The following PCDHGA3 variants were observed in gnomAD, a reference collection of about 807,000 sequenced individuals.
PCDHGA3 encodes the protein protocadherin gamma-A3.
A neutral mutation model predicts 58.5 loss-of-function variants in PCDHGA3; 40 were observed. The ratio of observed to expected loss-of-function variants is 0.68; its 90% CI spans 0.53 to 0.89. The LOEUF is 0.89. Among genes scored for constraint, PCDHGA3 ranks in the 40% least tolerant of loss-of-function variants. PCDHGA3 has a pLI of 0.00. For synonymous variants in PCDHGA3, 530 were observed against 525.7 expected (o/e 1.01, Z -0.11); for missense variants, 1,223 against 1,195.9 (o/e 1.02, Z -0.33).
rs200464357 is a variant in PCDHGA3 at position 141,489,983 on chromosome 5, G to A, written c.2425-4824G>A. 4.5e-5 allele frequency: 73 copies of A among 1,614,172 alleles called. No homozygotes were observed. Among genetic ancestry groups the A allele is most frequent in the Middle Eastern group, 3.3e-4 (2 of 6,062 alleles). ...CCAACCTTCCAATCCTCAGTTCTAC[G>A]TGTGGGAATCCCAGAGAATGCACCC... On this transcript the variant is annotated intron_variant, in intron 1 of 3. Coordinates refer to ENST00000253812, the MANE Select transcript of PCDHGA3 (RefSeq NM_018916.4). This position sits in a 1 kb window ranked among gnomAD's most constrained non-coding sequence, Gnocchi z 4.5.
intron 1 of PCDHGA3, chr5:141,376,510 G>A: frequency 6.2e-7 from 1 of 1,614,028 alleles, no homozygotes; most frequent in Non-Finnish European, 8.5e-7. Flanking sequence ...AACTTCAGGT[G>A]AGTTTCTTTC....
In PCDHGA3 at chr5:141,461,525, A is replaced by T. The variant is rs966592635; in HGVS notation, c.2425-33282A>T. ...TTGGTGATTTGTTAGTTCCTTGTAGATTCTGGATACTAGTCCTTTGTCAGA... is the reference window on the plus strand; with the variant it reads ...TTGGTGATTTGTTAGTTCCTTGTAGTTTCTGGATACTAGTCCTTTGTCAGA... On this transcript the variant is annotated intron_variant, in intron 1 of 3. Coordinates refer to ENST00000253812, the MANE Select transcript of PCDHGA3 (RefSeq NM_018916.4). 5.3e-5 allele frequency among the ~76,000 whole-genome samples: 8 copies of T among 152,106 alleles called. No individual in the cohort carries two copies. The South Asian group carries it at 1.7e-3, about 31-fold the overall frequency.
intron 1 of PCDHGA3, chr5:141,403,279 G>C (rs779882720): frequency 6.2e-7 from 1 of 1,613,900 alleles, no homozygotes. Flanking sequence ...TTAAAGTCCT[G>C]GTTGAAGACA....
Position 141,489,120 on chromosome 5 carries a change from G to T in PCDHGA3, c.2425-5687G>T. On this transcript the variant is annotated intron_variant, in intron 1 of 3. Coordinates refer to ENST00000253812, the MANE Select transcript of PCDHGA3 (RefSeq NM_018916.4). The surrounding 1 kb of genome is among the most constrained non-coding windows in gnomAD (Gnocchi z 4.5). Reference sequence around the variant, plus strand: ...AACTGCTGCAAGCAGGCAAACCTCCGAGCAGTTTTTAAGAGGCTGGAAGGA... The same window carrying T: ...AACTGCTGCAAGCAGGCAAACCTCCTAGCAGTTTTTAAGAGGCTGGAAGGA... 2.2e-6 allele frequency: 1 copy of T among 445,672 alleles called. No individual in the cohort carries two copies. The highest frequency in any genetic ancestry group is 3.8e-6 in the Non-Finnish European group (1 of 264,754). The allele number at this position is 445,672 out of a possible 1,614,324, so 27.6% of individuals were successfully genotyped here.
intron 1 of PCDHGA3, chr5:141,356,007 A>T: frequency 6.2e-7 from 1 of 1,613,952 alleles, no homozygotes; most frequent in Non-Finnish European, 8.5e-7. Context: ...CCACTGATCC[A>T]GATGAAGGAG....
In PCDHGA3 at chr5:141,490,745, C is replaced by T. The variant is rs769031787; in HGVS notation, c.2425-4062C>T. 22 of 1,614,120 alleles carry T rather than the reference C, an allele frequency of 1.4e-5. No individual in the cohort carries two copies. Among genetic ancestry groups the T allele is most frequent in the Non-Finnish European group, 1.9e-5 (22 of 1,180,050 alleles). On this transcript the variant is annotated intron_variant, in intron 1 of 3. Transcript: ENST00000253812. The surrounding 1 kb of genome is among the most constrained non-coding windows in gnomAD (Gnocchi z 5.4). Reference sequence around the variant, plus strand: ...GTAGGAAATCAGGTTCAGGGAGCCCCAGCCTCCTCCTTTGTGTATGTCAAC... The same window carrying T: ...GTAGGAAATCAGGTTCAGGGAGCCCTAGCCTCCTCCTTTGTGTATGTCAAC...
intron 1 of PCDHGA3, chr5:141,355,322 A>G: frequency 1.9e-6 from 3 of 1,614,000 alleles, no homozygotes; most frequent in Non-Finnish European, 1.7e-6. Flanking sequence ...GAGCAGGAAG[A>G]AGGCTCAGTG....
chr5:141,440,330 G>A (rs1377511406), intron 1 of PCDHGA3: 1 of 152,162 alleles, frequency 6.6e-6, no homozygotes, highest in Non-Finnish European at 1.5e-5. Context: ...ACTGGGCATG[G>A]TGGTGCAGGC....
intron 1 of PCDHGA3, chr5:141,386,063 G>A (rs2090447648): frequency 6.6e-6 from 1 of 152,220 alleles, no homozygotes; most frequent in South Asian, 2.1e-4. Flanking sequence ...GAGAATTCCA[G>A]TATGTTGTTT....
rs767003818 is a variant in PCDHGA3, at chr5:141,361,414, G to A, written c.2424+14957G>A. ...CAATCTCACCATCACAGCCACCGAC[G>A]GGGGCAAGCCGCCCCTCTCCTCCAG... is the stretch of plus-strand genomic sequence containing the variant. On this transcript the variant is annotated intron_variant, in intron 1 of 3. Coordinates refer to ENST00000253812, the MANE Select transcript of PCDHGA3 (RefSeq NM_018916.4). The A allele has an allele frequency of 2.4e-5, 38 of 1,613,876 alleles. No individual in the cohort carries two copies. Among genetic ancestry groups the A allele is most frequent in the Admixed American group, 1.0e-4 (6 of 60,004 alleles).
chr5:141,354,043 A>G (rs1759453619), intron 1 of PCDHGA3, among the ~76,000 whole-genome samples: 1 of 152,250 alleles, frequency 6.6e-6, no homozygotes, highest in South Asian at 2.1e-4. Context: ...GCGATGGCAC[A>G]TGCAATGATA....
chr5:141,429,573 T>G (rs1026656206), intron 1 of PCDHGA3, among the ~76,000 whole-genome samples: 3 of 152,206 alleles, frequency 2.0e-5, no homozygotes, highest in Non-Finnish European at 4.4e-5. Context: ...TCAGTTACAT[T>G]TACTTTTGAT....
At chr5:141,458,988 C>T (rs996478276) in intron 1 of PCDHGA3, among the ~76,000 whole-genome samples, 1 of 152,208 alleles carries the variant, frequency 6.6e-6, no homozygotes, top group South Asian at 2.1e-4. Context: ...CTGCCTCACC[C>T]TCCCAAAGTG....
intron 1 of PCDHGA3, chr5:141,409,623 T>G: frequency 6.2e-7 from 1 of 1,613,854 alleles, no homozygotes; most frequent in Non-Finnish European, 8.5e-7. Context: ...ATTGCGCAAG[T>G]GAGCGCCTCT....
At position 141,345,204 on chromosome 5, in the gene PCDHGA3, C is replaced by A; in HGVS notation, c.1171C>A (p.Pro391Thr). The A allele has an allele frequency of 6.2e-7, 1 of 1,613,904 alleles. No individual in the cohort carries two copies. Among genetic ancestry groups the A allele is most frequent in the Non-Finnish European group, 8.5e-7 (1 of 1,179,876 alleles). Residue 391 changes from proline to threonine, a missense_variant, in exon 1 of 4, where the codon CCA becomes ACA. This residue lies in a region of PCDHGA3 where 791 missense variants were observed against 708.5 expected (regional missense o/e 1.12). Coordinates refer to ENST00000253812, the MANE Select transcript of PCDHGA3 (RefSeq NM_018916.4). The part of the protein sequence containing the change: ...QVEVFVLGNL[P>T]FKLEKSIDQY... Reference sequence around the variant, plus strand: ...TGAAGTTTTTGTCCTGGGAAATCTGCCATTTAAGTTAGAAAAATCAATAGA... The same window carrying A: ...TGAAGTTTTTGTCCTGGGAAATCTGACATTTAAGTTAGAAAAATCAATAGA...
At chr5:141,409,920 C>G in intron 1 of PCDHGA3, 1 of 1,613,400 alleles carries the variant, frequency 6.2e-7, no homozygotes, top group Non-Finnish European at 8.5e-7. Flanking sequence ...GACGGCTCCG[C>G]GTTCTTCGAT....
At chr5:141,351,157 C>T (rs748506914) in intron 1 of PCDHGA3, 4 of 1,614,010 alleles carry the variant, frequency 2.5e-6, no homozygotes, top group African/African-American at 1.3e-5. Flanking sequence ...ACATCACAAC[C>T]AATGGCACAT....
intron 1 of PCDHGA3, chr5:141,441,578 C>T (rs889509502): frequency 2.9e-5 from 6 of 207,738 alleles, no homozygotes; most frequent in Non-Finnish European, 5.9e-5. Flanking sequence ...CCAACCTAGA[C>T]TTGGGACCCA....
At chr5:141,390,466 G>C (rs753916175) in intron 1 of PCDHGA3, 7 of 711,916 alleles carry the variant, frequency 9.8e-6, no homozygotes, top group Admixed American at 3.0e-5. Context: ...AGGAGCAATT[G>C]TGTGGCCCAA....
Sources: allele counts gnomAD v4.1 joint callset (sites outside exome capture counted in the v4.1 genomes callset), GRCh38; gene constraint gnomAD v4.1.1; regional missense constraint gnomAD v4.1.1; non-coding constraint Gnocchi (gnomAD v3.1); transcripts MANE v1.5; gene names NCBI Gene and HGNC (gene_info 2026-07-23, HGNC 2026-07-21).